CCSER1: variants seen among roughly 807,000 people sequenced by gnomAD.
CCSER1 encodes the protein coiled-coil serine rich protein 1, also known as serine-rich coiled-coil domain-containing protein 1.
Under a neutral mutation model 82.0 loss-of-function variants are expected in CCSER1, and 41 were observed. That is an observed-to-expected ratio of 0.50 (90% CI 0.39 to 0.65). CCSER1 has a LOEUF of 0.65. Ranked by LOEUF, CCSER1 falls within the 30% of genes least tolerant of loss-of-function variation. The pLI is 0.00. For missense variants in CCSER1, 1,119 were observed against 1,064.2 expected (o/e 1.05, Z -0.72); for synonymous variants, 414 against 383.9 (o/e 1.08, Z -0.92).
At chr4:91,102,083 C>G (rs1042786259) in intron 10 of CCSER1, among the ~76,000 whole-genome samples, 1 of 152,096 alleles carries the variant, frequency 6.6e-6, no homozygotes, top group Admixed American at 6.6e-5. Context: ...CAGAGGAGCT[C>G]GTGCAGATCG....
rs142370584 is a variant in CCSER1, at chr4:90,208,987, A to G, written c.-42+81156A>G. Among the ~76,000 whole-genome samples the G allele has an allele frequency of 1.6e-3, 245 of 152,006 alleles. 2 individuals are homozygous for G. The highest frequency in any genetic ancestry group is 5.5e-3 in the African/African-American group (229 of 41,468). On this transcript the variant is annotated intron_variant, in intron 1 of 10. Coordinates refer to ENST00000509176, the MANE Select transcript of CCSER1 (RefSeq NM_001145065.2). ...GCCACCGAGTGCCAAACATCTACCT[A>G]TTTTTTCTTATGTATTGTTTTTGTT...
At chr4:90,813,569 T>C (rs1300865988) in intron 7 of CCSER1, among the ~76,000 whole-genome samples, 1 of 152,178 alleles carries the variant, frequency 6.6e-6, no homozygotes. Flanking sequence ...TTTCCTATGC[T>C]ATTCTCGTGA....
intron 8 of CCSER1, among the ~76,000 whole-genome samples, chr4:90,845,933 C>T (rs1489785949): frequency 1.3e-5 from 2 of 151,814 alleles, no homozygotes; most frequent in African/African-American, 4.8e-5. Context: ...AATGCTGAGT[C>T]ATTAGTGTCA....
At chr4:90,160,311 T>C (rs909797802) in intron 1 of CCSER1, among the ~76,000 whole-genome samples, 3 of 152,202 alleles carry the variant, frequency 2.0e-5, no homozygotes, top group South Asian at 2.1e-4. Context: ...GTCACACTTA[T>C]GTACATTAAG....
At chr4:90,485,477 G>A (rs999037342) in intron 5 of CCSER1, among the ~76,000 whole-genome samples, 14 of 151,456 alleles carry the variant, frequency 9.2e-5, no homozygotes, top group African/African-American at 3.4e-4. Flanking sequence ...CACGCTGGGA[G>A]CTGCAGACTG....
chr4:90,434,813 A>T (rs1428274085), intron 4 of CCSER1, among the ~76,000 whole-genome samples: 1 of 152,200 alleles, frequency 6.6e-6, no homozygotes, highest in Non-Finnish European at 1.5e-5. Context: ...GGGACAGACT[A>T]TGATCAAACT....
chr4:90,695,037 A>AATAT lies in CCSER1; in HGVS notation c.1933-28874_1933-28871dup, dbSNP rs111663265. Among the ~76,000 whole-genome samples, 1,256 of 148,292 alleles carry AATAT rather than the reference A, an allele frequency of 8.5e-3. 48 individuals are homozygous for AATAT. Among genetic ancestry groups the AATAT allele is most frequent in the Admixed American group, 0.059 (860 of 14,700 alleles). ...CATGTAGGGAGAAGGCCATAATTAGAATATATGTATATATATTTATTTATA... is the reference window on the plus strand; with the variant it reads ...CATGTAGGGAGAAGGCCATAATTAGAATATATATATGTATATATATTTATTTATA... On this transcript the variant is annotated intron_variant, in intron 6 of 10. Coordinates refer to ENST00000509176, the MANE Select transcript of CCSER1 (RefSeq NM_001145065.2).
intron 4 of CCSER1, among the ~76,000 whole-genome samples, chr4:90,467,228 A>T (rs1049824915): frequency 1.3e-5 from 2 of 152,056 alleles, no homozygotes; most frequent in Admixed American, 1.3e-4. Context: ...CTACTAAAAA[A>T]TACAAAAATT....
chr4:90,434,946 C>A (rs1315675400), intron 4 of CCSER1, among the ~76,000 whole-genome samples: 2 of 152,126 alleles, frequency 1.3e-5, no homozygotes, highest in African/African-American at 4.8e-5. Context: ...TTGGTATTGG[C>A]CTCTGCGTGA....
intron 7 of CCSER1, among the ~76,000 whole-genome samples, chr4:90,785,495 G>A (rs565026400): frequency 1.3e-5 from 2 of 152,168 alleles, no homozygotes; most frequent in African/African-American, 2.4e-5. Flanking sequence ...GATAATCAAA[G>A]TGAATAGAAA....
In CCSER1 at chr4:90,280,864, T is replaced by A. The variant is rs1027473440; in HGVS notation, c.-41-27380T>A. ...CCAATAATAGAGTCGTATTTCAGCT[T>A]AGATTATTATTTTAGTAGTTCCATT... is the stretch of plus-strand genomic sequence containing the variant. On this transcript the variant is annotated intron_variant, in intron 1 of 10. Coordinates refer to ENST00000509176, the MANE Select transcript of CCSER1 (RefSeq NM_001145065.2). Among the ~76,000 whole-genome samples, 8 of 152,006 alleles carry A rather than the reference T, an allele frequency of 5.3e-5. 1 individual carries two copies. The highest frequency in any genetic ancestry group is 1.9e-4 in the African/African-American group (8 of 41,422).
intron 9 of CCSER1, among the ~76,000 whole-genome samples, chr4:91,046,677 G>T (rs1453695465): frequency 2.0e-5 from 3 of 151,968 alleles, no homozygotes; most frequent in Non-Finnish European, 4.4e-5. Context: ...AGAGGGAGAG[G>T]ATAATATGTT....
intron 10 of CCSER1, among the ~76,000 whole-genome samples, chr4:91,500,408 G>T (rs556254986): frequency 4.9e-4 from 75 of 151,998 alleles, no homozygotes; most frequent in African/African-American, 1.7e-3. Context: ...TTTTCTCCTG[G>T]TATATGACTT....
At chr4:91,543,218 T>C (rs938330940) in intron 10 of CCSER1, among the ~76,000 whole-genome samples, 4 of 152,234 alleles carry the variant, frequency 2.6e-5, no homozygotes, top group African/African-American at 9.6e-5. Flanking sequence ...ATGGGTCTCC[T>C]GAATACAGCA....
chr4:90,590,605 T>C (rs1011501613), intron 5 of CCSER1, among the ~76,000 whole-genome samples: 3 of 151,670 alleles, frequency 2.0e-5, no homozygotes, highest in African/African-American at 7.3e-5. Flanking sequence ...ATCAGATGGC[T>C]GTAGATGTGT....
intron 7 of CCSER1, among the ~76,000 whole-genome samples, chr4:90,752,416 G>A (rs1164195470): frequency 6.6e-6 from 1 of 152,068 alleles, no homozygotes; most frequent in Non-Finnish European, 1.5e-5. Flanking sequence ...TTCACAGGAG[G>A]GGAGTCTTTC....
intron 5 of CCSER1, among the ~76,000 whole-genome samples, chr4:90,580,187 C>T (rs1781272301): frequency 6.6e-6 from 1 of 151,910 alleles, no homozygotes; most frequent in South Asian, 2.1e-4. Flanking sequence ...ATAATTATGC[C>T]AGTGAATATT....
At chr4:90,950,932 A>G (rs1432562099) in intron 9 of CCSER1, among the ~76,000 whole-genome samples, 2 of 152,070 alleles carry the variant, frequency 1.3e-5, no homozygotes, top group Non-Finnish European at 2.9e-5. Flanking sequence ...AACTAGTGTG[A>G]TATCTTTTAT....
At chr4:90,869,817 T>G (rs1766218305) in intron 8 of CCSER1, among the ~76,000 whole-genome samples, 1 of 152,038 alleles carries the variant, frequency 6.6e-6, no homozygotes, top group South Asian at 2.1e-4. Flanking sequence ...TTAACAGTAT[T>G]GGGTCTTCTA....
Sources: allele counts gnomAD v4.1 joint callset (sites outside exome capture counted in the v4.1 genomes callset), GRCh38; gene constraint gnomAD v4.1.1; transcripts MANE v1.5; gene names NCBI Gene and HGNC (gene_info 2026-07-23, HGNC 2026-07-21).